LPP: variants seen among roughly 807,000 people sequenced by gnomAD.
LPP encodes the protein LIM domain containing preferred translocation partner in lipoma.
A neutral mutation model predicts 60.4 loss-of-function variants in LPP; 38 were observed. That is an observed-to-expected ratio of 0.63 (90% CI 0.49 to 0.83). The LOEUF (loss-of-function observed/expected upper bound fraction) is 0.83, where lower values mean the gene tolerates loss of function less well. LPP is among the 40% of genes least tolerant of loss of function. LPP has a pLI of 0.00. For synonymous variants in LPP, 328 were observed against 290.8 expected (o/e 1.13, Z -1.30); for missense variants, 902 against 783.6 (o/e 1.15, Z -1.80).
At chr3:188,335,735 A>G (rs187476943) in intron 2 of LPP, among the ~76,000 whole-genome samples, 3 of 152,018 alleles carry the variant, frequency 2.0e-5, no homozygotes, top group Admixed American at 6.5e-5. Context: ...TTTCTTTTTT[A>G]CTGGAGTCTG....
At chr3:188,819,029 T>C (rs1753240587) in intron 9 of LPP, among the ~76,000 whole-genome samples, 1 of 8,856 alleles carries the variant, frequency 1.1e-4, no homozygotes, top group South Asian at 3.6e-3. Flanking sequence ...ATGGGGGTCG[T>C]GTGTGTGTGT....
At chr3:188,364,655 C>CCA (rs1170845394) in intron 3 of LPP, among the ~76,000 whole-genome samples, 1 of 152,158 alleles carries the variant, frequency 6.6e-6, no homozygotes, top group East Asian at 1.9e-4. Context: ...GGAACCTGCA[C>CCA]GCTCATTAGA....
At chr3:188,582,710 A>G (rs1260433022) in intron 6 of LPP, among the ~76,000 whole-genome samples, 6 of 152,172 alleles carry the variant, frequency 3.9e-5, no homozygotes, top group Non-Finnish European at 7.3e-5. Flanking sequence ...TCTCAGCCTC[A>G]ATGTTTTCAA....
At chr3:188,376,602 T>G (rs1358759086) in intron 3 of LPP, among the ~76,000 whole-genome samples, 1 of 152,218 alleles carries the variant, frequency 6.6e-6, no homozygotes, top group East Asian at 1.9e-4. Context: ...TGTGTGTCTC[T>G]GCACGTGAGA....
chr3:188,601,929 G>T (rs1026227939), intron 6 of LPP, among the ~76,000 whole-genome samples: 2 of 151,324 alleles, frequency 1.3e-5, no homozygotes, highest in East Asian at 1.9e-4. Context: ...ATGAGCTGGC[G>T]TGGTGGTGGG....
At chr3:188,762,426 G>T (rs952968627) in intron 9 of LPP, among the ~76,000 whole-genome samples, 1 of 152,150 alleles carries the variant, frequency 6.6e-6, no homozygotes, top group African/African-American at 2.4e-5. Context: ...CTGAATGTGG[G>T]AACCTTACAT....
intron 2 of LPP, among the ~76,000 whole-genome samples, chr3:188,269,839 G>T (rs939698184): frequency 2.0e-5 from 3 of 152,084 alleles, no homozygotes; most frequent in African/African-American, 7.2e-5. Context: ...GTAGAGACGA[G>T]GTTTCACCAT....
At chr3:188,382,939 A>G (rs969473661) in intron 3 of LPP, among the ~76,000 whole-genome samples, 1 of 152,122 alleles carries the variant, frequency 6.6e-6, no homozygotes, top group African/African-American at 2.4e-5. Context: ...TGATGACCTT[A>G]GTGTGTCTAC....
intron 2 of LPP, among the ~76,000 whole-genome samples, chr3:188,237,889 C>T (rs1422352553): frequency 1.3e-5 from 2 of 152,192 alleles, no homozygotes; most frequent in African/African-American, 4.8e-5. Context: ...AAGAGAGTTA[C>T]CCTGTCCTTT....
chr3:188,481,475 C>A (rs755617756), intron 4 of LPP, among the ~76,000 whole-genome samples: 29 of 152,142 alleles, frequency 1.9e-4, no homozygotes, highest in Non-Finnish European at 7.4e-5. Flanking sequence ...CTTAAAAAAA[C>A]CAAAAACATT....
intron 7 of LPP, among the ~76,000 whole-genome samples, chr3:188,688,175 C>T (rs1861285462): frequency 6.6e-6 from 1 of 152,146 alleles, no homozygotes; most frequent in Admixed American, 6.5e-5. Context: ...AACCCATATC[C>T]TTTAGATGAC....
At chr3:188,284,063 C>T (rs781473297) in intron 2 of LPP, among the ~76,000 whole-genome samples, 1 of 152,078 alleles carries the variant, frequency 6.6e-6, no homozygotes, top group Non-Finnish European at 1.5e-5. Context: ...ACTGGTTGCA[C>T]TTCTCTAGGC....
At chr3:188,782,370 A>G (rs904809927) in intron 9 of LPP, among the ~76,000 whole-genome samples, 1 of 152,140 alleles carries the variant, frequency 6.6e-6, no homozygotes, top group African/African-American at 2.4e-5. Context: ...TTGAACCCAG[A>G]TCCTGCTACT....
chr3:188,223,830 A>G (rs891332571), intron 1 of LPP, among the ~76,000 whole-genome samples: 5 of 152,128 alleles, frequency 3.3e-5, no homozygotes, highest in African/African-American at 1.2e-4. Context: ...TCACAGGTCT[A>G]ATGTTGGCTT....
intron 7 of LPP, among the ~76,000 whole-genome samples, chr3:188,651,984 G>T (rs1336595916): frequency 1.3e-5 from 2 of 152,134 alleles, no homozygotes; most frequent in Non-Finnish European, 2.9e-5. Context: ...GCAGTTAAAT[G>T]ACTTTTTCAG....
rs1347396960 is a variant in LPP, at chr3:188,878,229, T to A, written c.*3750T>A. On this transcript the variant is annotated 3_prime_UTR_variant, in exon 12 of 12. Transcript: ENST00000617246. ...TATGGTTTGGGCTTCTCTTGTCAAATCTGTGTCGGCTGCCCCCTGATCCTT... is the reference window on the plus strand; with the variant it reads ...TATGGTTTGGGCTTCTCTTGTCAAAACTGTGTCGGCTGCCCCCTGATCCTT... 4.6e-6 allele frequency: 1 copy of A among 217,758 alleles called. No homozygotes were observed. The highest frequency in any genetic ancestry group is 9.2e-6 in the Non-Finnish European group (1 of 108,148). The allele number at this position is 217,758 out of a possible 1,614,324, so 13.5% of individuals were successfully genotyped here. A position where few individuals can be genotyped will look rare whatever the true frequency, so the allele number is the denominator to read the frequency against.
intron 2 of LPP, among the ~76,000 whole-genome samples, chr3:188,252,240 G>T (rs1408614896): frequency 6.8e-5 from 9 of 132,170 alleles, no homozygotes; most frequent in Non-Finnish European, 1.4e-4. Context: ...TTACACAAAA[G>T]ATAGCATGTT....
chr3:188,729,842 G>A (rs1397572457), intron 8 of LPP, among the ~76,000 whole-genome samples: 1 of 151,484 alleles, frequency 6.6e-6, no homozygotes, highest in Non-Finnish European at 1.5e-5. Flanking sequence ...AAAAATGGAT[G>A]GGCATGATGG....
chr3:188,355,364 G>A (rs964960879), intron 3 of LPP, among the ~76,000 whole-genome samples: 43 of 152,276 alleles, frequency 2.8e-4, no homozygotes, highest in Non-Finnish European at 1.0e-4. Flanking sequence ...CTCAGGTGTA[G>A]TAAGGTAAAA....
Sources: gnomAD v4.1 joint callset for allele counts (sites outside exome capture counted in the v4.1 genomes callset) on GRCh38, gnomAD v4.1.1 for gene constraint, MANE v1.5 for transcripts, NCBI Gene and HGNC (gene_info 2026-07-23, HGNC 2026-07-21) for gene names.